Variants in VPS13B observed in about 807,000 individuals in gnomAD.
VPS13B encodes intermembrane lipid transfer protein VPS13B.
Under a neutral mutation model 426.4 loss-of-function variants are expected in VPS13B, and 285 were observed. That is an observed-to-expected ratio of 0.67 (90% CI 0.61 to 0.74). VPS13B has a LOEUF of 0.74. Ranked by LOEUF, VPS13B falls within the 30% of genes least tolerant of loss-of-function variation. The pLI, the probability that VPS13B is intolerant of heterozygous loss-of-function variation, is 0.00. For missense variants in VPS13B, 4,537 were observed against 4,782.6 expected, an observed-to-expected ratio of 0.95 and a Z score of 1.51; for synonymous variants, 1,676 against 1,676.4, an observed-to-expected ratio of 1.00 and a Z score of 0.01.
At chr8:99,852,842 T>G (rs1397312945) in intron 55 of VPS13B, among the ~76,000 whole-genome samples, 2 of 151,988 alleles carry the variant, frequency 1.3e-5, no homozygotes, top group Non-Finnish European at 2.9e-5. Context: ...TGACAGCATG[T>G]TTACAAGCTG....
At chr8:99,557,127 G>C (rs1213775079) in intron 31 of VPS13B, among the ~76,000 whole-genome samples, 1 of 152,058 alleles carries the variant, frequency 6.6e-6, no homozygotes, top group African/African-American at 2.4e-5. Flanking sequence ...CAACTATGTT[G>C]ATAGATCTTT....
At chr8:99,266,310 G>T (rs1448082027) in intron 17 of VPS13B, among the ~76,000 whole-genome samples, 1 of 152,028 alleles carries the variant, frequency 6.6e-6, no homozygotes, top group Non-Finnish European at 1.5e-5. Context: ...TACCCAGGAG[G>T]CTGAGATGGG....
intron 25 of VPS13B, among the ~76,000 whole-genome samples, chr8:99,491,841 C>T (rs537293195): frequency 6.4e-4 from 98 of 152,206 alleles, no homozygotes; most frequent in African/African-American, 2.3e-3. Context: ...TTGTTATTAC[C>T]GACCTTCTGA....
At chr8:99,433,179 G>A (rs1055320584) in intron 22 of VPS13B, among the ~76,000 whole-genome samples, 21 of 152,262 alleles carry the variant, frequency 1.4e-4, no homozygotes, top group African/African-American at 4.8e-4. Context: ...AGGCTGCACT[G>A]CCCTTCAGCA....
At chr8:99,408,028 G>A (rs79829390) in intron 21 of VPS13B, among the ~76,000 whole-genome samples, 3,069 of 152,204 alleles carry the variant, frequency 0.02, 113 homozygotes, top group African/African-American at 0.07. Flanking sequence ...TAGCAAGGAG[G>A]ACAATATGGC....
chr8:99,197,472 T>C (rs930820597), intron 17 of VPS13B, among the ~76,000 whole-genome samples: 2 of 152,212 alleles, frequency 1.3e-5, no homozygotes, highest in Non-Finnish European at 1.5e-5. Context: ...TCACTCTTCT[T>C]ACTCATTATT....
At chr8:99,162,652 G>C (rs1054202717) in intron 15 of VPS13B, among the ~76,000 whole-genome samples, 1 of 152,090 alleles carries the variant, frequency 6.6e-6, no homozygotes, top group Non-Finnish European at 1.5e-5. Flanking sequence ...GGAGTTGTTC[G>C]TTCCTCCCGG....
chr8:99,572,067 T>A (rs1011107639), intron 31 of VPS13B, among the ~76,000 whole-genome samples: 8 of 152,212 alleles, frequency 5.3e-5, no homozygotes, highest in African/African-American at 1.9e-4. Flanking sequence ...ATTCTCTGAT[T>A]TGAACTTTAT....
At chr8:99,444,933 G>A (rs1414042857) in intron 23 of VPS13B, among the ~76,000 whole-genome samples, 1 of 152,028 alleles carries the variant, frequency 6.6e-6, no homozygotes, top group African/African-American at 2.4e-5. Flanking sequence ...ATAGGTATTA[G>A]TCACCCTGCC....
At position 99,817,841 on chromosome 8, in the gene VPS13B, A is replaced by T. The variant is rs768890845; in HGVS notation, c.8361+38A>T. The T allele has an allele frequency of 2.7e-5, 43 of 1,613,756 alleles. No individual in the cohort carries two copies. In the South Asian group the frequency reaches 4.1e-4, roughly 15 times the overall value. ...GTTCAATCTAGAATAGAGCAGCTTT[A>T]CCATTGAAATTTTCTCAAAATGTTC... is the stretch of plus-strand genomic sequence containing the variant. On this transcript the variant is annotated intron_variant, in intron 45 of 61. Coordinates refer to ENST00000357162, the MANE Select transcript of VPS13B (RefSeq NM_152564.5).
At chr8:99,041,612 G>T (rs1489634797) in intron 3 of VPS13B, among the ~76,000 whole-genome samples, 2 of 152,184 alleles carry the variant, frequency 1.3e-5, no homozygotes, top group East Asian at 3.9e-4. Flanking sequence ...CCAGCACTTT[G>T]GGAGGCCGAG....
At chr8:99,586,876 A>AT (rs1826327867) in intron 33 of VPS13B, among the ~76,000 whole-genome samples, 1 of 152,128 alleles carries the variant, frequency 6.6e-6, no homozygotes, top group African/African-American at 2.4e-5. Context: ...TGTGCACAAC[A>AT]TGCAGGTTTC....
At chr8:99,823,799 T>C in intron 50 of VPS13B, 33 bp from the exon 51 acceptor site, 1 of 1,606,506 alleles carries the variant, frequency 6.2e-7, no homozygotes, top group Non-Finnish European at 8.5e-7. Context: ...CTTACAGTAT[T>C]GTCAAAATTA....
At chr8:99,478,447 G>GTTTTGTTTTTTTTTTTTTTTTTTT (rs1819822769) in intron 24 of VPS13B, among the ~76,000 whole-genome samples, 5 of 85,778 alleles carry the variant, frequency 5.8e-5, no homozygotes, top group Admixed American at 1.4e-4. Flanking sequence ...TTTTTGTTTT[G>GTTTTGTTTTTTTTTTTTTTTTTTT]TTTTTTTTTT....
At chr8:99,186,242 T>G (rs1033574957) in intron 16 of VPS13B, among the ~76,000 whole-genome samples, 2 of 152,106 alleles carry the variant, frequency 1.3e-5, no homozygotes, top group African/African-American at 2.4e-5. Context: ...AGTCCAGAAG[T>G]TAGAAATTTT....
At chr8:99,218,902 C>T (rs1291126899) in intron 17 of VPS13B, among the ~76,000 whole-genome samples, 1 of 151,960 alleles carries the variant, frequency 6.6e-6, no homozygotes, top group African/African-American at 2.4e-5. Context: ...TGCTTTTTGC[C>T]CAGTCTATGA....
intron 39 of VPS13B, among the ~76,000 whole-genome samples, chr8:99,733,738 A>C (rs1418573797): frequency 6.6e-6 from 1 of 152,154 alleles, no homozygotes; most frequent in Non-Finnish European, 1.5e-5. Context: ...AAAATTCAAT[A>C]CCTAGTTAAA....
At chr8:99,684,538 G>A (rs1406155493) in intron 35 of VPS13B, among the ~76,000 whole-genome samples, 1 of 152,076 alleles carries the variant, frequency 6.6e-6, no homozygotes, top group Non-Finnish European at 1.5e-5. Flanking sequence ...AAGGGGGTAG[G>A]GGAGGAAAAA....
intron 35 of VPS13B, chr8:99,696,383 A>G (rs1012799366): frequency 3.2e-5 from 10 of 315,484 alleles, no homozygotes; most frequent in Non-Finnish European, 6.3e-5. Context: ...CTGTGGATCC[A>G]TGCCAAGATC....
Sources: gnomAD v4.1 joint callset for allele counts (sites outside exome capture counted in the v4.1 genomes callset) on GRCh38, gnomAD v4.1.1 for gene constraint, MANE v1.5 for transcripts, NCBI Gene and HGNC (gene_info 2026-07-23, HGNC 2026-07-21) for gene names.